The following PODXL variants were observed in gnomAD, a reference collection of about 807,000 sequenced individuals.
PODXL encodes the protein podocalyxin like.
In PODXL, 20 loss-of-function variants were observed where a neutral mutation model predicts 48.9. The ratio of observed to expected loss-of-function variants is 0.41; its 90% CI spans 0.29 to 0.59. The LOEUF (loss-of-function observed/expected upper bound fraction) is 0.59, where lower values mean the gene tolerates loss of function less well. Ranked by LOEUF, PODXL falls within the 20% of genes least tolerant of loss-of-function variation. The probability of loss-of-function intolerance (pLI) is 0.31; values close to 1 mark genes in which losing one functional copy is unlikely to be tolerated. For synonymous variants in PODXL, 295 were observed against 287.4 expected, an observed-to-expected ratio of 1.03 and a Z score of -0.27; for missense variants, 606 against 675.1, an observed-to-expected ratio of 0.90 and a Z score of 1.13.
In PODXL at chr7:131,533,541, C is replaced by T. The variant is rs111949935; in HGVS notation, c.101-22108G>A. ...ACTGTCTAGCGTGGAGATGTCCCAGCGATGGGGAAGGGCAGCCTTCGCTTG... is the reference window on the plus strand; with the variant it reads ...ACTGTCTAGCGTGGAGATGTCCCAGTGATGGGGAAGGGCAGCCTTCGCTTG... On this transcript the variant is annotated intron_variant, in intron 1 of 8. Coordinates refer to ENST00000378555, the MANE Select transcript of PODXL (RefSeq NM_001018111.3). Among the ~76,000 whole-genome samples the T allele has an allele frequency of 9.8e-5, 15 of 152,290 alleles. 1 individual carries two copies. The highest frequency in any genetic ancestry group is 2.1e-4 in the South Asian group (1 of 4,828).
chr7:131,523,008 T>G (rs1798113533), intron 1 of PODXL, among the ~76,000 whole-genome samples: 1 of 152,258 alleles, frequency 6.6e-6, no homozygotes, highest in African/African-American at 2.4e-5. Flanking sequence ...CAGGTTTTTA[T>G]GTGGACATGT....
intron 4 of PODXL, 81 bp downstream of exon 4, chr7:131,509,284 G>A: frequency 1.7e-6 from 2 of 1,153,154 alleles, no homozygotes; most frequent in Non-Finnish European, 2.6e-6. Context: ...TGCGTTGGAG[G>A]AAAGAACAGA....
At chr7:131,539,997 C>T (rs1051278911) in intron 1 of PODXL, among the ~76,000 whole-genome samples, 1 of 152,192 alleles carries the variant, frequency 6.6e-6, no homozygotes, top group Non-Finnish European at 1.5e-5. Context: ...CATATGATCT[C>T]ATTTGTGTCT....
chr7:131,513,899 G>A (rs991224452), intron 1 of PODXL, among the ~76,000 whole-genome samples: 1 of 152,204 alleles, frequency 6.6e-6, no homozygotes, highest in Non-Finnish European at 1.5e-5. Flanking sequence ...AGGAGTAGCC[G>A]CCAGCAGCAA....
At position 131,501,236 on chromosome 7, in the gene PODXL, C is replaced by A. The variant is rs1733860; in HGVS notation, c.*3075G>T. The A allele has an allele frequency of 0.37, 56,820 of 152,240 alleles. 10,779 individuals carry two copies. Among genetic ancestry groups the A allele is most frequent in the East Asian group, 0.48 (2,467 of 5,160 alleles). The allele number at this position is 152,240 out of a possible 1,614,324, so 9.4% of individuals were successfully genotyped here. On this transcript the variant is annotated 3_prime_UTR_variant, in exon 9 of 9. Transcript: ENST00000378555. ...TCATTTCCAGTAAGACATTTACATT[C>A]CTGTCCAGAGAAAAAACTTGGCCAT...
At position 131,501,210 on chromosome 7, in the gene PODXL, G is replaced by T. The variant is rs1317209141; in HGVS notation, c.*3101C>A. On this transcript the variant is annotated 3_prime_UTR_variant, in exon 9 of 9. Transcript: ENST00000378555. ...AAAAAAAAAAATCAAGCAAAAACTT[G>T]TCATTTCCAGTAAGACATTTACATT... 1 of 152,182 alleles carries T rather than the reference G, an allele frequency of 6.6e-6. No homozygotes were observed. The highest frequency in any genetic ancestry group is 1.5e-5 in the Non-Finnish European group (1 of 67,964). The allele number at this position is 152,182 out of a possible 1,614,324, so 9.4% of individuals were successfully genotyped here.
chr7:131,537,424 T>C (rs1798392877), intron 1 of PODXL, among the ~76,000 whole-genome samples: 1 of 151,930 alleles, frequency 6.6e-6, no homozygotes, highest in South Asian at 2.1e-4. Context: ...CTGTCTCTAC[T>C]AAAAATACAA....
At chr7:131,519,307 C>A (rs944242298) in intron 1 of PODXL, among the ~76,000 whole-genome samples, 12 of 152,112 alleles carry the variant, frequency 7.9e-5, no homozygotes, top group African/African-American at 2.7e-4. Flanking sequence ...GTAACTAATT[C>A]TCTTAGAGAC....
intron 1 of PODXL, among the ~76,000 whole-genome samples, chr7:131,552,189 G>A (rs774366093): frequency 6.6e-5 from 10 of 152,138 alleles, no homozygotes; most frequent in Non-Finnish European, 1.2e-4. Flanking sequence ...TATCCCAAGC[G>A]ACCGCTCAGC....
intron 1 of PODXL, among the ~76,000 whole-genome samples, chr7:131,544,455 C>T (rs1798531914): frequency 6.6e-6 from 1 of 152,218 alleles, no homozygotes; most frequent in Non-Finnish European, 1.5e-5. Flanking sequence ...TCCCACCCTG[C>T]CCTTCCCCAG....
At position 131,506,659 on chromosome 7, in the gene PODXL, G is replaced by C. The variant is rs143652476; in HGVS notation, c.1169C>G (p.Pro390Arg). The change falls in exon 6 of 9, where the codon CCG becomes CGG. Residue 390 changes from proline to arginine, a missense_variant. By Grantham distance (103) the Pro-to-Arg change is moderately radical. Transcript: ENST00000378555. ...ICRAVKATFN[P>R]AQDKCGIRLA... ...CCGTATGCCGCACTTATCTTGGGCC[G>C]GGTTGAAGGTGGCTTTGACTGCTCG... 1.9e-6 allele frequency: 3 copies of C among 1,614,156 alleles called. No individual in the cohort carries two copies. The Middle Eastern group carries it at 5.0e-4, about 266-fold the overall frequency.
At position 131,539,584 on chromosome 7, in the gene PODXL, G is replaced by C. The variant is rs1247924713; in HGVS notation, c.100+16676C>G. ...GACCTCGTGATCAGCCTCCCAAAGTGCTGGGATTACAGGCGTGAGCCACCA... is the reference window on the plus strand; with the variant it reads ...GACCTCGTGATCAGCCTCCCAAAGTCCTGGGATTACAGGCGTGAGCCACCA... On this transcript the variant is annotated intron_variant, in intron 1 of 8. Transcript: ENST00000378555. 2.0e-5 allele frequency among the ~76,000 whole-genome samples: 3 copies of C among 152,232 alleles called. No homozygotes were observed. The East Asian group carries it at 5.8e-4, about 29-fold the overall frequency.
chr7:131,504,545 C>T, intron 8 of PODXL, 37 bp from the exon 9 acceptor site: 1 of 1,577,200 alleles, frequency 6.3e-7, no homozygotes, highest in Non-Finnish European at 8.7e-7. Flanking sequence ...AAGGGGGTTT[C>T]AGAGGGCTCT....
intron 1 of PODXL, among the ~76,000 whole-genome samples, chr7:131,546,613 C>T (rs1179175722): frequency 6.7e-6 from 1 of 149,160 alleles, no homozygotes; most frequent in Admixed American, 6.9e-5. Context: ...GTAATCCCAA[C>T]TATGGGGGAA....
rs1330080916 is a variant in PODXL, at chr7:131,540,635, C to CTTTAGGGGAAGAG, written c.100+15624_100+15625insCTCTTCCCCTAAA. Among the ~76,000 whole-genome samples, 8 of 152,294 alleles carry CTTTAGGGGAAGAG rather than the reference C, an allele frequency of 5.3e-5. No homozygotes were observed. In the South Asian group the frequency reaches 1.0e-3, roughly 20 times the overall value. On this transcript the variant is annotated intron_variant, in intron 1 of 8. Coordinates refer to ENST00000378555, the MANE Select transcript of PODXL (RefSeq NM_001018111.3). Reference sequence around the variant, plus strand: ...CGGACATTTGGCACACAACTCTTCCCCTAGCAGTAAGTTCAAAAACAACCT... The same window carrying CTTTAGGGGAAGAG: ...CGGACATTTGGCACACAACTCTTCCCTTTAGGGGAAGAGCTAGCAGTAAGTTCAAAAACAACCT...
At chr7:131,537,890 G>A (rs1302738256) in intron 1 of PODXL, among the ~76,000 whole-genome samples, 2 of 152,098 alleles carry the variant, frequency 1.3e-5, no homozygotes, top group African/African-American at 2.4e-5. Flanking sequence ...CGTGGTGTGC[G>A]GTCGCAGACT....
At chr7:131,506,106 C>A in intron 7 of PODXL, 71 bp from the exon 8 acceptor site, 3 of 1,564,040 alleles carry the variant, frequency 1.9e-6, no homozygotes, top group Non-Finnish European at 2.6e-6. Context: ...CACTGTAGAG[C>A]CCCTCCGCTT....
At position 131,532,330 on chromosome 7, in the gene PODXL, G is replaced by A. The variant is rs1798293771; in HGVS notation, c.101-20897C>T. On this transcript the variant is annotated intron_variant, in intron 1 of 8. Transcript: ENST00000378555. ...AGGTGCCTGTAGTCCCAGCTACTCGGGAGGCTGAGGCAGGAGAATGGTGTG... is the reference window on the plus strand; with the variant it reads ...AGGTGCCTGTAGTCCCAGCTACTCGAGAGGCTGAGGCAGGAGAATGGTGTG... 2.0e-5 allele frequency among the ~76,000 whole-genome samples: 3 copies of A among 150,750 alleles called. No homozygotes were observed. The South Asian group carries it at 6.3e-4, about 32-fold the overall frequency.
chr7:131,510,209 G>C (rs1326267623), intron 3 of PODXL, 27 bp downstream of exon 3: 1 of 446,786 alleles, frequency 2.2e-6, no homozygotes, highest in East Asian at 7.4e-5. Flanking sequence ...AAGTAAACAG[G>C]TATCGGCCGG....
Sources: gnomAD v4.1 joint callset for allele counts (sites outside exome capture counted in the v4.1 genomes callset) on GRCh38, gnomAD v4.1.1 for gene constraint, MANE v1.5 for transcripts, NCBI Gene and HGNC (gene_info 2026-07-23, HGNC 2026-07-21) for gene names.